The following PRDM12 variants were observed in gnomAD, a reference collection of about 807,000 sequenced individuals.
PRDM12 encodes PR domain zinc finger protein 12.
A neutral mutation model predicts 29.6 loss-of-function variants in PRDM12; 17 were observed. The observed-to-expected ratio is 0.57, with a 90% CI of 0.39 to 0.86. The LOEUF (loss-of-function observed/expected upper bound fraction) is 0.86, where lower values mean the gene tolerates loss of function less well. Among genes scored for constraint, PRDM12 ranks in the 40% least tolerant of loss-of-function variants. PRDM12 has a pLI of 0.00. For missense variants in PRDM12, 422 were observed against 510.8 expected, an observed-to-expected ratio of 0.83 and a Z score of 1.68; for synonymous variants, 231 against 225.8, an observed-to-expected ratio of 1.02 and a Z score of -0.21.
At position 130,671,509 on chromosome 9, in the gene PRDM12, G is replaced by A. The variant is rs186941048; in HGVS notation, c.570+3196G>A. On this transcript the variant is annotated intron_variant, in intron 3 of 4. Transcript: ENST00000253008. Reference sequence around the variant, plus strand: ...AGCCTTCTAAGAAGGGGCTGTCTGCGTGAATGACAAGGAAATAAAATGCCA... The same window carrying A: ...AGCCTTCTAAGAAGGGGCTGTCTGCATGAATGACAAGGAAATAAAATGCCA... Among the ~76,000 whole-genome samples, 375 of 152,286 alleles carry A rather than the reference G, an allele frequency of 2.5e-3. 2 individuals carry two copies. Among genetic ancestry groups the A allele is most frequent in the Non-Finnish European group, 3.4e-3 (228 of 68,032 alleles).
chr9:130,669,740 C>T lies in PRDM12; in HGVS notation c.570+1427C>T, dbSNP rs562593620. ...CTGAGGCAGGAGAATGGCGTGAACC[C>T]GGGAGGCGGAGCTTGCAGTGAGCCG... On this transcript the variant is annotated intron_variant, in intron 3 of 4. Transcript: ENST00000253008. 4.3e-4 allele frequency among the ~76,000 whole-genome samples: 58 copies of T among 134,870 alleles called. 1 individual carries two copies. The highest frequency in any genetic ancestry group is 1.1e-3 in the Admixed American group (13 of 12,340). The allele number at this position is 134,870 out of a possible 152,430, so 88.5% of individuals were successfully genotyped here.
intron 4 of PRDM12, among the ~76,000 whole-genome samples, 190 bp downstream of exon 4, chr9:130,678,830 C>G (rs973173986): frequency 6.6e-6 from 1 of 151,988 alleles, no homozygotes; most frequent in East Asian, 1.9e-4. Flanking sequence ...CCGCATGGGC[C>G]GGGCATGGGT....
intron 3 of PRDM12, among the ~76,000 whole-genome samples, chr9:130,675,478 C>T (rs1291255921): frequency 2.6e-5 from 4 of 152,222 alleles, no homozygotes; most frequent in Non-Finnish European, 4.4e-5. Flanking sequence ...GGGCTTCCAC[C>T]GAACCAGCGG....
At chr9:130,672,211 A>T (rs551469231) in intron 3 of PRDM12, among the ~76,000 whole-genome samples, 70 of 152,070 alleles carry the variant, frequency 4.6e-4, no homozygotes, top group African/African-American at 1.3e-3. Flanking sequence ...TTTTATTATT[A>T]TTTTTTTTGA....
chr9:130,673,509 T>C (rs1379220558), intron 3 of PRDM12, among the ~76,000 whole-genome samples: 4 of 152,044 alleles, frequency 2.6e-5, no homozygotes, highest in Non-Finnish European at 5.9e-5. Flanking sequence ...GCCTCTTTTT[T>C]TTTTCTTTTG....
chr9:130,667,753 C>T (rs1040505445), intron 2 of PRDM12, among the ~76,000 whole-genome samples: 2 of 152,312 alleles, frequency 1.3e-5, no homozygotes, highest in Non-Finnish European at 2.9e-5. Context: ...CCCAGCCCTC[C>T]CTCCCTGGAC....
intron 3 of PRDM12, among the ~76,000 whole-genome samples, chr9:130,672,535 C>G (rs2132596399): frequency 6.6e-6 from 1 of 152,298 alleles, no homozygotes; most frequent in Admixed American, 6.5e-5. Context: ...GGGTGCTGCT[C>G]TCTGTTACTA....
chr9:130,682,795 T>C lies in PRDM12; in HGVS notation c.*1126T>C, dbSNP rs898714361. ...AATAAACTATAATATTAATGAAAAG[T>C]ATAAAATGTATAGAGTTTTCAAGAA... On this transcript the variant is annotated 3_prime_UTR_variant, in exon 5 of 5. Coordinates refer to ENST00000253008, the MANE Select transcript of PRDM12 (RefSeq NM_021619.3). This position sits in a 1 kb window ranked among gnomAD's most constrained non-coding sequence, Gnocchi z 4.2. 10 of 152,672 alleles carry C rather than the reference T, an allele frequency of 6.5e-5. No individual in the cohort carries two copies. Among genetic ancestry groups the C allele is most frequent in the Non-Finnish European group, 1.2e-4 (8 of 68,048 alleles). 9.5% of individuals were successfully genotyped at this position (152,672 alleles called of 1,614,324 possible).
rs1183535048 is a variant in PRDM12 at position 130,681,604 on chromosome 9, CTCG to C, written c.1040_1042del (p.Leu347_Ala348delinsPro). On this transcript the variant is annotated inframe_deletion, in exon 5 of 5. Coordinates refer to ENST00000253008, the MANE Select transcript of PRDM12 (RefSeq NM_021619.3). The surrounding 1 kb of genome is among the most constrained non-coding windows in gnomAD (Gnocchi z 8.1). ...CGCCCCGCACGCGCACGCGCCCGCG[CTCG>C]CCGCCGCCGCCGCCGCCGCCGCCGC... 1.0e-5 allele frequency: 9 copies of C among 902,988 alleles called. No individual in the cohort carries two copies. Among genetic ancestry groups the C allele is most frequent in the African/African-American group, 2.2e-5 (1 of 45,774 alleles). 55.9% of individuals were successfully genotyped at this position (902,988 alleles called of 1,614,324 possible). A position where few individuals can be genotyped will look rare whatever the true frequency, so the allele number is the denominator to read the frequency against.
Position 130,681,385 on chromosome 9 carries a change from C to T in PRDM12, c.820C>T (p.Arg274Cys). The T allele has an allele frequency of 6.3e-7, 1 of 1,593,522 alleles. No individual in the cohort carries two copies. The highest frequency in any genetic ancestry group is 1.1e-5 in the South Asian group (1 of 88,850). Residue 274 changes from arginine to cysteine, a missense_variant, in exon 5 of 5, where the codon CGC becomes TGC. Physicochemically the swap from Arg to Cys is radical, Grantham distance 180. Coordinates refer to ENST00000253008, the MANE Select transcript of PRDM12 (RefSeq NM_021619.3). This position sits in a 1 kb window ranked among gnomAD's most constrained non-coding sequence, Gnocchi z 8.1. Reference protein sequence around the residue: ...IHTLDKPFVCRFCNRRFSQSS... With the variant: ...IHTLDKPFVCCFCNRRFSQSS... ...CACGCTGGACAAGCCCTTCGTGTGC[C>T]GCTTCTGCAACCGCCGCTTCAGCCA...
Position 130,678,751 on chromosome 9 carries a change from GGTTCAAT to G in PRDM12, c.682+114_682+120del, listed in dbSNP as rs1328212971. On this transcript the variant is annotated intron_variant, in intron 4 of 4. Transcript: ENST00000253008. Reference sequence around the variant, plus strand: ...GAGGCTCTTGGCCTCCAGGGACCTTGGTTCAATGTCTGGCAGCATTGAGCAGATCAGA... The same window carrying G: ...GAGGCTCTTGGCCTCCAGGGACCTTGGTCTGGCAGCATTGAGCAGATCAGA... 3.5e-6 allele frequency: 3 copies of G among 846,046 alleles called. No individual in the cohort carries two copies. The East Asian group carries it at 8.1e-5, about 23-fold the overall frequency. 52.4% of individuals were successfully genotyped at this position (846,046 alleles called of 1,614,324 possible). A position where few individuals can be genotyped will look rare whatever the true frequency, so the allele number is the denominator to read the frequency against.
rs76175818 is a variant in PRDM12, at chr9:130,681,420, G to A, written c.855G>A (p.Thr285=). The A allele has an allele frequency of 7.8e-4, 1,241 of 1,600,044 alleles. 25 individuals are homozygous for A. The East Asian group carries it at 0.026, about 33-fold the overall frequency. The change falls in exon 5 of 5, where the codon ACG becomes ACA. Residue 285 remains threonine (T), a synonymous_variant. Transcript: ENST00000253008. This position sits in a 1 kb window ranked among gnomAD's most constrained non-coding sequence, Gnocchi z 8.1. ...ACCGCCGCTTCAGCCAGTCGTCCAC[G>A]CTGCGCAACCACGTGCGCCTGCACA... ...FCNRRFSQSS[T]LRNHVRLHTG...
chr9:130,675,766 T>C (rs750588554), intron 3 of PRDM12, among the ~76,000 whole-genome samples: 1 of 152,238 alleles, frequency 6.6e-6, no homozygotes, highest in Admixed American at 6.5e-5. Context: ...GATCCCAACA[T>C]GTCTGACTCC....
intron 3 of PRDM12, among the ~76,000 whole-genome samples, chr9:130,675,874 C>T (rs1200684035): frequency 3.9e-5 from 6 of 152,136 alleles, no homozygotes; most frequent in African/African-American, 9.7e-5. Context: ...CCGGTTTCAT[C>T]CAAGACTGGA....
At chr9:130,666,920 TGGACGCCCCCTGAGCCG>T in intron 2 of PRDM12, 122 bp downstream of exon 2, 1 of 1,309,818 alleles carries the variant, frequency 7.6e-7, no homozygotes, top group Admixed American at 3.1e-5. Flanking sequence ...ACTCCTGGCC[TGGACGCCCCCTGAGCCG>T]GGACTCTAAG....
chr9:130,673,784 G>T (rs1830810404), intron 3 of PRDM12, among the ~76,000 whole-genome samples: 2 of 147,126 alleles, frequency 1.4e-5, no homozygotes, highest in African/African-American at 5.0e-5. Flanking sequence ...CGATTCTCCT[G>T]CCTCAGCCTC....
intron 2 of PRDM12, among the ~76,000 whole-genome samples, chr9:130,667,074 A>G (rs1830740878): frequency 6.6e-6 from 1 of 152,196 alleles, no homozygotes; most frequent in South Asian, 2.1e-4. Flanking sequence ...AGATGAGGGC[A>G]CTGAGACCCA....
Position 130,668,050 on chromosome 9 carries a change from C to T in PRDM12, c.415-108C>T. 7.3e-7 allele frequency: 1 copy of T among 1,376,950 alleles called. No individual in the cohort carries two copies. The highest frequency in any genetic ancestry group is 1.0e-6 in the Non-Finnish European group (1 of 1,000,058). The allele number at this position is 1,376,950 out of a possible 1,614,324, so 85.3% of individuals were successfully genotyped here. On this transcript the variant is annotated intron_variant, in intron 2 of 4. Coordinates refer to ENST00000253008, the MANE Select transcript of PRDM12 (RefSeq NM_021619.3). The surrounding 1 kb of genome is among the most constrained non-coding windows in gnomAD (Gnocchi z 4.0). Reference sequence around the variant, plus strand: ...CAGTGGGAAAATGAAGCTTTATCCACTTCCTGGGGCTGTTGTGAGGATGGA... The same window carrying T: ...CAGTGGGAAAATGAAGCTTTATCCATTTCCTGGGGCTGTTGTGAGGATGGA...
Position 130,664,974 on chromosome 9 carries a change from G to T in PRDM12, c.223+98G>T. 2.4e-6 allele frequency: 3 copies of T among 1,249,004 alleles called. No individual in the cohort carries two copies. The highest frequency in any genetic ancestry group is 3.0e-5 in the South Asian group (2 of 66,720). 77.4% of individuals were successfully genotyped at this position (1,249,004 alleles called of 1,614,324 possible). On this transcript the variant is annotated intron_variant, in intron 1 of 4. Transcript: ENST00000253008. This position sits in a 1 kb window ranked among gnomAD's most constrained non-coding sequence, Gnocchi z 6.4. ...AGACGCGGCTGGGATACCCGGCCTC[G>T]CTGCTACTCGCGCCAACCTGGGCTC...
Sources: allele counts gnomAD v4.1 joint callset (sites outside exome capture counted in the v4.1 genomes callset), GRCh38; gene constraint gnomAD v4.1.1; non-coding constraint Gnocchi (gnomAD v3.1); transcripts MANE v1.5; gene names NCBI Gene and HGNC (gene_info 2026-07-23, HGNC 2026-07-21).